The following PIK3CG variants were observed in gnomAD, a reference collection of about 807,000 sequenced individuals.
PIK3CG encodes phosphatidylinositol-4,5-bisphosphate 3-kinase catalytic subunit gamma, also known as phosphatidylinositol 4,5-bisphosphate 3-kinase catalytic subunit gamma isoform.
Under a neutral mutation model 102.3 loss-of-function variants are expected in PIK3CG, and 55 were observed. That is an observed-to-expected ratio of 0.54 (90% CI 0.43 to 0.67). PIK3CG has a LOEUF of 0.67. PIK3CG is among the 30% of genes least tolerant of loss of function. The pLI is 0.00. For synonymous variants in PIK3CG, 552 were observed against 540.0 expected (o/e 1.02, Z -0.31); for missense variants, 1,258 against 1,391.8 (o/e 0.90, Z 1.53).
intron 2 of PIK3CG, among the ~76,000 whole-genome samples, chr7:106,871,292 A>G (rs550207950): frequency 6.6e-6 from 1 of 152,350 alleles, no homozygotes; most frequent in Admixed American, 6.5e-5. Flanking sequence ...AACTTAAAAC[A>G]TTGCGAAAAT....
Position 106,874,856 on chromosome 7 carries a change from A to C in PIK3CG, c.2391+53A>C, listed in dbSNP as rs2116500692. 1 of 1,206,404 alleles carries C rather than the reference A, an allele frequency of 8.3e-7. No individual in the cohort carries two copies. The highest frequency in any genetic ancestry group is 2.3e-5 in the East Asian group (1 of 42,804). The allele number at this position is 1,206,404 out of a possible 1,614,324, so 74.7% of individuals were successfully genotyped here. Reference sequence around the variant, plus strand: ...GGTCTTTATGTCTTGAAGATGTCTAACGTGCTTGCTGGGGCCCAGTACTTA... The same window carrying C: ...GGTCTTTATGTCTTGAAGATGTCTACCGTGCTTGCTGGGGCCCAGTACTTA... On this transcript the variant is annotated intron_variant, in intron 5 of 10. Coordinates refer to ENST00000496166, the MANE Select transcript of PIK3CG (RefSeq NM_001282426.2). This position sits in a 1 kb window ranked among gnomAD's most constrained non-coding sequence, Gnocchi z 4.3.
In PIK3CG at chr7:106,868,646, G is replaced by A. The variant is rs776245012; in HGVS notation, c.1085G>A (p.Arg362Lys). Residue 362 changes from arginine to lysine, a missense_variant, in exon 2 of 11, where the codon AGG (arginine) becomes AAG (lysine). This residue lies in a region of PIK3CG where 832 missense variants were observed against 787.5 expected (regional missense o/e 1.06). Coordinates refer to ENST00000496166, the MANE Select transcript of PIK3CG (RefSeq NM_001282426.2). The surrounding 1 kb of genome is among the most constrained non-coding windows in gnomAD (Gnocchi z 6.2). ...CTGTGGGACTGCGACCGCAAGTTCA[G>A]GGTCAAGATCAGAGGCATTGATATC... ...VSLWDCDRKF[R>K]VKIRGIDIPV... The A allele has an allele frequency of 2.5e-6, 4 of 1,614,228 alleles. No homozygotes were observed. The Admixed American group carries it at 5.0e-5, about 20-fold the overall frequency.
chr7:106,874,759 TTTAGAG>T lies in PIK3CG; in HGVS notation c.2350_2355del (p.Arg784_Val785del). The T allele has an allele frequency of 6.2e-7, 1 of 1,614,054 alleles. No homozygotes were observed. Among genetic ancestry groups the T allele is most frequent in the Non-Finnish European group, 8.5e-7 (1 of 1,179,912 alleles). On this transcript the variant is annotated inframe_deletion, in exon 5 of 11. Transcript: ENST00000496166. The surrounding 1 kb of genome is among the most constrained non-coding windows in gnomAD (Gnocchi z 4.3). ...GCAGAATTCTCAACTCCCCGAAAGC[TTTAGAG>T]TTCCATATGATCCTGGACTGAAAGC...
Position 106,897,330 on chromosome 7 carries a change from T to C in PIK3CG, c.3031-7779T>C, listed in dbSNP as rs768026733. ...AAGTTGCTGGGTAAAAGGATATAGA[T>C]GTTTTTAAAGCCAGGTTTATTGAGG... is the stretch of plus-strand genomic sequence containing the variant. On this transcript the variant is annotated intron_variant, in intron 10 of 10. Transcript: ENST00000496166. This position sits in a 1 kb window ranked among gnomAD's most constrained non-coding sequence, Gnocchi z 4.6. 1.3e-5 allele frequency among the ~76,000 whole-genome samples: 2 copies of C among 152,230 alleles called. No individual in the cohort carries two copies. The highest frequency in any genetic ancestry group is 2.9e-5 in the Non-Finnish European group (2 of 68,042).
chr7:106,883,397 T>A lies in PIK3CG; in HGVS notation c.2760+234T>A, dbSNP rs1790999840. On this transcript the variant is annotated intron_variant, in intron 8 of 10. Transcript: ENST00000496166. This position sits in a 1 kb window ranked among gnomAD's most constrained non-coding sequence, Gnocchi z 5.8. ...CATGAGCATTTGCTTCTCTTTTGAT[T>A]ATCAGGCATACTTTGCTTAAAATTT... 6.6e-6 allele frequency among the ~76,000 whole-genome samples: 1 copy of A among 152,216 alleles called. No homozygotes were observed. Among genetic ancestry groups the A allele is most frequent in the South Asian group, 2.1e-4 (1 of 4,836 alleles).
In PIK3CG at chr7:106,907,856, A is replaced by C. The variant is rs540649118; in HGVS notation, c.*2469A>C. On this transcript the variant is annotated 3_prime_UTR_variant, in exon 11 of 11. Transcript: ENST00000496166. ...TGTGTGTGTATATATATATATATAT[A>C]TCACAGTTGGGCTTGATTCTTCCGT... is the stretch of plus-strand genomic sequence containing the variant. Among the ~76,000 whole-genome samples the C allele has an allele frequency of 4.9e-5, 7 of 143,822 alleles. No homozygotes were observed. Among genetic ancestry groups the C allele is most frequent in the Non-Finnish European group, 7.7e-5 (5 of 65,088 alleles). 94.4% of individuals were successfully genotyped at this position (143,822 alleles called of 152,430 possible). A position where few individuals can be genotyped will look rare whatever the true frequency, so the allele number is the denominator to read the frequency against.
intron 5 of PIK3CG, among the ~76,000 whole-genome samples, chr7:106,878,434 T>C (rs1048457122): frequency 6.6e-6 from 1 of 152,198 alleles, no homozygotes; most frequent in African/African-American, 2.4e-5. Flanking sequence ...CAATTTTTTA[T>C]GTTGCCTCTT....
intron 6 of PIK3CG, among the ~76,000 whole-genome samples, chr7:106,881,401 G>A (rs559664354): frequency 1.3e-5 from 2 of 152,100 alleles, no homozygotes; most frequent in African/African-American, 4.8e-5. Flanking sequence ...GTATATATTC[G>A]CTATCATTAT....
chr7:106,888,616 A>T (rs1202030940), intron 10 of PIK3CG, among the ~76,000 whole-genome samples: 1 of 152,190 alleles, frequency 6.6e-6, no homozygotes, highest in Non-Finnish European at 1.5e-5. Context: ...TACTAAAGCA[A>T]CGTTTAGGCA....
rs564334380 is a variant in PIK3CG at position 106,899,127 on chromosome 7, A to C, written c.3031-5982A>C. ...TAGGTATTTTATTCTTTTTGTGGCA[A>C]TTGTGAACGGGATTGCCTTTCTGAT... On this transcript the variant is annotated intron_variant, in intron 10 of 10. Transcript: ENST00000496166. The surrounding 1 kb of genome is among the most constrained non-coding windows in gnomAD (Gnocchi z 4.6). 6.6e-6 allele frequency among the ~76,000 whole-genome samples: 1 copy of C among 151,972 alleles called. No homozygotes were observed. Among genetic ancestry groups the C allele is most frequent in the Non-Finnish European group, 1.5e-5 (1 of 67,988 alleles).
Position 106,867,583 on chromosome 7 carries a change from C to A in PIK3CG, c.22C>A (p.Gln8Lys), listed in dbSNP as rs2116416119. The A allele has an allele frequency of 6.3e-7, 1 of 1,587,950 alleles. No homozygotes were observed. Among genetic ancestry groups the A allele is most frequent in the South Asian group, 1.1e-5 (1 of 88,498 alleles). MELENYK[Q>K]PVVLREDNCR... ...GGGCATGGAGCTGGAGAACTATAAA[C>A]AGCCCGTGGTGCTGAGAGAGGACAA... Residue 8 changes from glutamine (Q) to lysine (K), a missense_variant, in exon 2 of 11, where the codon CAG (glutamine) becomes AAG (lysine). By Grantham distance (53) the Gln-to-Lys change is moderately conservative. This residue lies in a region of PIK3CG where 832 missense variants were observed against 787.5 expected (regional missense o/e 1.06). Coordinates refer to ENST00000496166, the MANE Select transcript of PIK3CG (RefSeq NM_001282426.2). The surrounding 1 kb of genome is among the most constrained non-coding windows in gnomAD (Gnocchi z 5.1).
At position 106,874,540 on chromosome 7, in the gene PIK3CG, G is replaced by A. The variant is rs1423592429; in HGVS notation, c.2288-160G>A. On this transcript the variant is annotated intron_variant, in intron 4 of 10. Coordinates refer to ENST00000496166, the MANE Select transcript of PIK3CG (RefSeq NM_001282426.2). The surrounding 1 kb of genome is among the most constrained non-coding windows in gnomAD (Gnocchi z 4.3). ...CCCAATGTATCTTGCCACCTCATATGGTTAGCTCCTCAAAGGCAGGGCCCA... is the reference window on the plus strand; with the variant it reads ...CCCAATGTATCTTGCCACCTCATATAGTTAGCTCCTCAAAGGCAGGGCCCA... 6.6e-6 allele frequency among the ~76,000 whole-genome samples: 1 copy of A among 152,070 alleles called. No homozygotes were observed. The highest frequency in any genetic ancestry group is 1.5e-5 in the Non-Finnish European group (1 of 68,018).
rs947631543 is a variant in PIK3CG, at chr7:106,895,635, A to G, written c.3030+9343A>G. Reference sequence around the variant, plus strand: ...CTACCTCACCCCCTAGGCCTTTACTAAGAGACCTTGTGGGCAGATGGTCTA... The same window carrying G: ...CTACCTCACCCCCTAGGCCTTTACTGAGAGACCTTGTGGGCAGATGGTCTA... On this transcript the variant is annotated intron_variant, in intron 10 of 10. Transcript: ENST00000496166. The surrounding 1 kb of genome is among the most constrained non-coding windows in gnomAD (Gnocchi z 5.4). 1.3e-5 allele frequency among the ~76,000 whole-genome samples: 2 copies of G among 152,124 alleles called. No homozygotes were observed. Among genetic ancestry groups the G allele is most frequent in the African/African-American group, 4.8e-5 (2 of 41,410 alleles).
chr7:106,876,396 C>CTTT (rs201148654), intron 5 of PIK3CG, among the ~76,000 whole-genome samples: 4 of 142,842 alleles, frequency 2.8e-5, no homozygotes, highest in Non-Finnish European at 3.0e-5. Context: ...GGGTTGCCTT[C>CTTT]TTTTTTTTTT....
At position 106,867,744 on chromosome 7, in the gene PIK3CG, G is replaced by T. The variant is rs1221883905; in HGVS notation, c.183G>T (p.Val61=). Residue 61 remains valine, a synonymous_variant, in exon 2 of 11, where the codon GTG becomes GTT. Coordinates refer to ENST00000496166, the MANE Select transcript of PIK3CG (RefSeq NM_001282426.2). This position sits in a 1 kb window ranked among gnomAD's most constrained non-coding sequence, Gnocchi z 5.1. ...CKSPETALLH[V]AGHGNVEQMK... is the part of the protein sequence containing the mutation. ...GCCCCGAAACGGCGCTGCTGCACGT[G>T]GCCGGCCACGGCAACGTGGAGCAGA... 6.2e-7 allele frequency: 1 copy of T among 1,612,944 alleles called. No individual in the cohort carries two copies. Among genetic ancestry groups the T allele is most frequent in the Non-Finnish European group, 8.5e-7 (1 of 1,179,850 alleles).
chr7:106,870,189 C>A (rs1227468942), intron 2 of PIK3CG, among the ~76,000 whole-genome samples: 2 of 152,210 alleles, frequency 1.3e-5, no homozygotes, highest in East Asian at 1.9e-4. Flanking sequence ...TGTTACAGTT[C>A]ACAGAATAAT....
chr7:106,886,872 GTC>G (rs1157701107), intron 10 of PIK3CG, among the ~76,000 whole-genome samples: 1 of 152,062 alleles, frequency 6.6e-6, no homozygotes, highest in Non-Finnish European at 1.5e-5. Context: ...TCCTACATGA[GTC>G]TGTCCATCTC....
At chr7:106,871,727 G>C (rs1790534698) in intron 2 of PIK3CG, among the ~76,000 whole-genome samples, 1 of 152,206 alleles carries the variant, frequency 6.6e-6, no homozygotes, top group Non-Finnish European at 1.5e-5. Flanking sequence ...GAAAAGCACA[G>C]AGAACAATGA....
Position 106,867,662 on chromosome 7 carries a change from C to G in PIK3CG, c.101C>G (p.Ser34Cys). The change falls in exon 2 of 11, where the codon TCC becomes TGC. Residue 34 changes from serine to cysteine, a missense_variant. By Grantham distance (112) the Ser-to-Cys change is moderately radical. Coordinates refer to ENST00000496166, the MANE Select transcript of PIK3CG (RefSeq NM_001282426.2). This position sits in a 1 kb window ranked among gnomAD's most constrained non-coding sequence, Gnocchi z 5.1. ...KPRSAAASLS[S>C]MELIPIEFVL... ...CGCAGTGCTGCGGCCAGCCTGTCCTCCATGGAGCTCATCCCCATCGAGTTC... is the reference window on the plus strand; with the variant it reads ...CGCAGTGCTGCGGCCAGCCTGTCCTGCATGGAGCTCATCCCCATCGAGTTC... The G allele has an allele frequency of 6.2e-7, 1 of 1,613,424 alleles. No homozygotes were observed.
Sources: gnomAD v4.1 joint callset for allele counts (sites outside exome capture counted in the v4.1 genomes callset) on GRCh38, gnomAD v4.1.1 for gene constraint, gnomAD v4.1.1 regional missense constraint, Gnocchi (gnomAD v3.1) non-coding constraint, MANE v1.5 for transcripts, NCBI Gene and HGNC (gene_info 2026-07-23, HGNC 2026-07-21) for gene names.